Variants in CFAP47 observed in about 807,000 individuals in gnomAD.
CFAP47 encodes the protein cilia and flagella associated protein 47, also known as cilia- and flagella-associated protein 47.
Under a neutral mutation model 148.1 loss-of-function variants are expected in CFAP47, and 29 were observed. That is an observed-to-expected ratio of 0.20 (90% CI 0.15 to 0.27). The LOEUF is 0.27. Ranked by LOEUF, CFAP47 falls within the 10% of genes least tolerant of loss-of-function variation. CFAP47 has a pLI of 1.00. For synonymous variants in CFAP47, 664 were observed against 577.3 expected (o/e 1.15, Z -2.15); for missense variants, 1,872 against 1,697.5 (o/e 1.10, Z -1.81).
At chrX:36,036,817 GCTCT>G (rs896795339) in intron 24 of CFAP47, among the ~76,000 whole-genome samples, 4 of 110,562 alleles carry the variant, frequency 3.6e-5, no homozygotes, top group Non-Finnish European at 7.6e-5. Flanking sequence ...ATTGAAGTGT[GCTCT>G]CTCTCTCTCA....
At chrX:36,341,449 A>G (rs1293131891) in intron 57 of CFAP47, among the ~76,000 whole-genome samples, 2 of 111,568 alleles carry the variant, frequency 1.8e-5, no homozygotes, top group African/African-American at 6.5e-5. Flanking sequence ...CAGAAATGTA[A>G]TACAACTAAA....
chrX:36,385,027 C>A lies in CFAP47; in HGVS notation c.*21C>A. 10 of 1,028,633 alleles carry A rather than the reference C, an allele frequency of 9.7e-6. No individual in the cohort carries two copies. Among genetic ancestry groups the A allele is most frequent in the Non-Finnish European group, 1.3e-5 (10 of 747,893 alleles). 84.8% of individuals were successfully genotyped at this position (1,028,633 alleles called of 1,213,427 possible). A position where few individuals can be genotyped will look rare whatever the true frequency, so the allele number is the denominator to read the frequency against. ...AATAAAATTTTTTTCCAAAATATTT[C>A]TTGGTCTCAGGTAGAACTTTGATGA... On this transcript the variant is annotated 3_prime_UTR_variant, in exon 64 of 64. Transcript: ENST00000378653.
chrX:36,256,029 C>T (rs1940747157), intron 49 of CFAP47, among the ~76,000 whole-genome samples: 1 of 111,517 alleles, frequency 9.0e-6, no homozygotes, highest in Non-Finnish European at 1.9e-5. Context: ...CAATAAAACA[C>T]GATTGCTTAA....
At chrX:36,239,929 T>C (rs1355250345) in intron 48 of CFAP47, among the ~76,000 whole-genome samples, 1 of 111,831 alleles carries the variant, frequency 8.9e-6, no homozygotes, top group Non-Finnish European at 1.9e-5. Context: ...CAGTACTCCT[T>C]GTCAAAGGAT....
intron 30 of CFAP47, among the ~76,000 whole-genome samples, chrX:36,088,886 C>T (rs1343731402): frequency 9.0e-6 from 1 of 110,954 alleles, no homozygotes; most frequent in Admixed American, 9.6e-5. Flanking sequence ...CATCTTCTGC[C>T]GTACATTGTA....
chrX:36,063,371 A>G (rs1937610108), intron 26 of CFAP47, among the ~76,000 whole-genome samples: 1 of 111,324 alleles, frequency 9.0e-6, no homozygotes, highest in Admixed American at 9.6e-5. Flanking sequence ...GTTTTAATAT[A>G]TTTTAATAGT....
intron 15 of CFAP47, 152 bp from the exon 16 acceptor site, chrX:35,989,167 C>G (rs1446847535): frequency 2.2e-5 from 10 of 458,437 alleles, no homozygotes; most frequent in Non-Finnish European, 3.7e-5. Flanking sequence ...TTGATAATAT[C>G]TCACTTAGCA....
At chrX:36,361,923 A>G (rs1329135047) in intron 61 of CFAP47, among the ~76,000 whole-genome samples, 1 of 112,338 alleles carries the variant, frequency 8.9e-6, no homozygotes, top group Non-Finnish European at 1.9e-5. Flanking sequence ...TTACTACTCA[A>G]TACATAACAT....
rs182915829 is a variant in CFAP47, at chrX:36,378,966, C to A, written c.9186-384C>A. On this transcript the variant is annotated intron_variant, in intron 62 of 63. Transcript: ENST00000378653. ...AGCTGGGATTACAGGCGCACATCACCGTGCCTGGTTAATTTTTATATTTTT... is the reference window on the plus strand; with the variant it reads ...AGCTGGGATTACAGGCGCACATCACAGTGCCTGGTTAATTTTTATATTTTT... Among the ~76,000 whole-genome samples the A allele has an allele frequency of 2.5e-3, 277 of 109,223 alleles. 2 individuals carry two copies. Among genetic ancestry groups the A allele is most frequent in the African/African-American group, 9.0e-3 (268 of 29,877 alleles). 94.8% of individuals were successfully genotyped at this position (109,223 alleles called of 115,157 possible).
At chrX:36,285,462 T>C (rs1941122784) in intron 50 of CFAP47, among the ~76,000 whole-genome samples, 167 bp from the exon 51 acceptor site, 1 of 111,778 alleles carries the variant, frequency 8.9e-6, no homozygotes, top group South Asian at 3.7e-4. Context: ...CTCTTATTCC[T>C]CACTAACTGT....
intron 2 of CFAP47, among the ~76,000 whole-genome samples, chrX:35,939,603 GTCCC>G (rs1935971001): frequency 1.2e-5 from 1 of 84,311 alleles, no homozygotes; most frequent in African/African-American, 4.4e-5. Flanking sequence ...TTTCATCCAT[GTCCC>G]TACAAAGGAC....
At chrX:36,264,658 A>C (rs782364786) in intron 49 of CFAP47, among the ~76,000 whole-genome samples, 122 of 111,791 alleles carry the variant, frequency 1.1e-3, no homozygotes, top group Non-Finnish European at 1.9e-3. Flanking sequence ...GAGACTCAAG[A>C]CTTTTTTTCT....
intron 33 of CFAP47, among the ~76,000 whole-genome samples, chrX:36,133,147 T>C (rs1602002666): frequency 9.0e-6 from 1 of 111,183 alleles, no homozygotes; most frequent in African/African-American, 3.3e-5. Flanking sequence ...ATCATGAAAC[T>C]CCTAGTGGCC....
intron 22 of CFAP47, among the ~76,000 whole-genome samples, chrX:36,020,083 C>T (rs1050781523): frequency 3.6e-5 from 4 of 111,357 alleles, no homozygotes; most frequent in Non-Finnish European, 5.7e-5. Context: ...TTTAGTATTG[C>T]TGTTGCTGTA....
chrX:36,304,394 A>G (rs1171143928), intron 54 of CFAP47, among the ~76,000 whole-genome samples: 1 of 69,148 alleles, frequency 1.4e-5, no homozygotes, highest in African/African-American at 7.5e-5. Flanking sequence ...AAAGTAATCA[A>G]AAAAAAAAAA....
chrX:36,192,870 G>T (rs1265755479), intron 42 of CFAP47, among the ~76,000 whole-genome samples: 3 of 112,002 alleles, frequency 2.7e-5, no homozygotes, highest in African/African-American at 9.8e-5. Context: ...ACACCAGGGT[G>T]CCATATACCA....
At chrX:36,206,719 T>C (rs1433487411) in intron 45 of CFAP47, among the ~76,000 whole-genome samples, 1 of 112,073 alleles carries the variant, frequency 8.9e-6, no homozygotes, top group Non-Finnish European at 1.9e-5. Context: ...TAAATAGTTT[T>C]TAAGTTATCT....
chrX:36,049,845 A>G (rs1937510476), intron 26 of CFAP47, among the ~76,000 whole-genome samples: 1 of 111,459 alleles, frequency 9.0e-6, no homozygotes. Context: ...TGTAGCTCTT[A>G]TAATCCCCAC....
intron 61 of CFAP47, among the ~76,000 whole-genome samples, 187 bp downstream of exon 61, chrX:36,361,688 G>A (rs782761151): frequency 9.0e-6 from 1 of 111,514 alleles, no homozygotes; most frequent in South Asian, 3.7e-4. Context: ...TAGTCTAAAT[G>A]GTTGAAAATC....
Sources: gnomAD v4.1 joint callset for allele counts (sites outside exome capture counted in the v4.1 genomes callset) on GRCh38, gnomAD v4.1.1 for gene constraint, MANE v1.5 for transcripts, NCBI Gene and HGNC (gene_info 2026-07-23, HGNC 2026-07-21) for gene names.